The following TRPC3 variants were observed in gnomAD, a reference collection of about 807,000 sequenced individuals.
The protein encoded by TRPC3 is short transient receptor potential channel 3.
TRPC3 carries 54 observed loss-of-function variants against 90.9 expected under a neutral mutation model. The ratio of observed to expected loss-of-function variants is 0.59; its 90% CI spans 0.48 to 0.75. The LOEUF (loss-of-function observed/expected upper bound fraction) is 0.75. TRPC3 is among the 30% of genes least tolerant of loss of function. The pLI is 0.00. For missense variants in TRPC3, 918 were observed against 1,194.5 expected (o/e 0.77, Z 3.41); for synonymous variants, 424 against 450.9 (o/e 0.94, Z 0.75).
At chr4:121,884,685 A>C (rs990885368) in intron 10 of TRPC3, among the ~76,000 whole-genome samples, 1 of 152,222 alleles carries the variant, frequency 6.6e-6, no homozygotes, top group African/African-American at 2.4e-5. Flanking sequence ...CACGCTACTG[A>C]AAAGGAAAAG....
At chr4:121,918,305 G>A (rs901269315) in intron 3 of TRPC3, among the ~76,000 whole-genome samples, 11 of 152,062 alleles carry the variant, frequency 7.2e-5, no homozygotes, top group African/African-American at 2.2e-4. Flanking sequence ...TCCATCTCAG[G>A]CATTCTATTG....
intron 3 of TRPC3, among the ~76,000 whole-genome samples, chr4:121,919,164 T>A (rs1729419796): frequency 6.6e-6 from 1 of 152,184 alleles, no homozygotes; most frequent in Non-Finnish European, 1.5e-5. Context: ...GCCAAATAAC[T>A]AATAGATTAT....
In TRPC3 at chr4:121,912,046, T is replaced by C. The variant is rs374630719; in HGVS notation, c.1389A>G (p.Ala463=). 13 of 1,613,734 alleles carry C rather than the reference T, an allele frequency of 8.1e-6. No individual in the cohort carries two copies. Among genetic ancestry groups the C allele is most frequent in the African/African-American group, 2.7e-5 (2 of 74,886 alleles). The change falls in exon 5 of 12, where the codon GCA becomes GCG. Residue 463 remains alanine (A), a synonymous_variant. Coordinates refer to ENST00000379645, the MANE Select transcript of TRPC3 (RefSeq NM_001130698.2). ...RSPFMKFVAH[A]ASFIIFLGLL... ...GACCCAGGAAGATGATGAAAGAAGC[T>C]GCATGTGCTACAAACTTCATAAAAG...
chr4:121,914,836 C>T lies in TRPC3; in HGVS notation c.1285G>A (p.Val429Met), dbSNP rs150886370. The T allele has an allele frequency of 2.6e-4, 423 of 1,613,618 alleles. No individual in the cohort carries two copies. The highest frequency in any genetic ancestry group is 2.8e-4 in the Non-Finnish European group (330 of 1,179,660). Reference sequence around the variant, plus strand: ...GCCAGGAATGGAAGGCCCAGGGCCACGACCAGCACAACGAGACACTTGATA... The same window carrying T: ...GCCAGGAATGGAAGGCCCAGGGCCATGACCAGCACAACGAGACACTTGATA... Reference protein sequence around the residue: ...IAIKCLVVLVVALGLPFLAIG... With the variant: ...IAIKCLVVLVMALGLPFLAIG... Residue 429 changes from valine to methionine, a missense_variant, in exon 4 of 12, where the codon GTG (valine) becomes ATG (methionine). This residue lies in a region of TRPC3 where 609 missense variants were observed against 725.9 expected (regional missense o/e 0.84). Transcript: ENST00000379645.
chr4:121,892,166 T>C (rs1178666592), intron 10 of TRPC3, among the ~76,000 whole-genome samples: 1 of 152,210 alleles, frequency 6.6e-6, no homozygotes, highest in Non-Finnish European at 1.5e-5. Context: ...GATCAAAAGA[T>C]AAAACTTGAA....
Position 121,932,646 on chromosome 4 carries a change from C to A in TRPC3, c.612G>T (p.Lys204Asn). The stretch of plus-strand genomic sequence containing the variant: ...GCTCACAGGGGCTCAGAGTGAGACG[C>A]TTGCTGGCCGCGAAGCCAGGGTGGT... ...ILNHPGFAAS[K>N]RLTLSPCEQE... Residue 204 changes from lysine (K) to asparagine (N), a missense_variant, in exon 2 of 12, where the codon AAG becomes AAT. Coordinates refer to ENST00000379645, the MANE Select transcript of TRPC3 (RefSeq NM_001130698.2). The surrounding 1 kb of genome is among the most constrained non-coding windows in gnomAD (Gnocchi z 7.7). 1.2e-6 allele frequency: 2 copies of A among 1,612,554 alleles called. No individual in the cohort carries two copies. Among genetic ancestry groups the A allele is most frequent in the Non-Finnish European group, 1.7e-6 (2 of 1,178,834 alleles).
At chr4:121,883,145 T>C (rs1728000784) in intron 10 of TRPC3, among the ~76,000 whole-genome samples, 1 of 152,046 alleles carries the variant, frequency 6.6e-6, no homozygotes. Flanking sequence ...ATTAATTCCA[T>C]TTGCATCTTA....
chr4:121,897,830 T>C (rs1728571073), intron 10 of TRPC3, among the ~76,000 whole-genome samples: 1 of 152,156 alleles, frequency 6.6e-6, no homozygotes, highest in African/African-American at 2.4e-5. Context: ...GAAATCATTA[T>C]ATCAAAGAGA....
chr4:121,895,303 C>G (rs1323558072), intron 10 of TRPC3, among the ~76,000 whole-genome samples: 1 of 151,448 alleles, frequency 6.6e-6, no homozygotes, highest in Non-Finnish European at 1.5e-5. Context: ...AAAGCATGAA[C>G]AAATCAAACC....
intron 2 of TRPC3, among the ~76,000 whole-genome samples, chr4:121,929,732 G>A (rs1295342443): frequency 6.6e-6 from 1 of 152,024 alleles, no homozygotes; most frequent in African/African-American, 2.4e-5. Flanking sequence ...CAGAGTGGCT[G>A]AGAATCTTCT....
chr4:121,946,060 A>G (rs1730476035), intron 1 of TRPC3, among the ~76,000 whole-genome samples: 1 of 152,172 alleles, frequency 6.6e-6, no homozygotes, highest in Non-Finnish European at 1.5e-5. Flanking sequence ...TGGAAAACAG[A>G]AGAGAAGAGA....
At chr4:121,893,822 T>C (rs1043923471) in intron 10 of TRPC3, among the ~76,000 whole-genome samples, 6 of 152,052 alleles carry the variant, frequency 3.9e-5, no homozygotes, top group Admixed American at 2.6e-4. Context: ...CAAATATATA[T>C]GGAGACATAA....
At position 121,925,102 on chromosome 4, in the gene TRPC3, C is replaced by G; in HGVS notation, c.1092G>C (p.Leu364=). The G allele has an allele frequency of 6.2e-7, 1 of 1,614,056 alleles. No homozygotes were observed. The change falls in exon 3 of 12, where the codon CTG becomes CTC. Residue 364 remains leucine (L), a synonymous_variant. Coordinates refer to ENST00000379645, the MANE Select transcript of TRPC3 (RefSeq NM_001130698.2). ...EEVEAILNGD[L]ESAEPLEVHR... is the part of the protein sequence containing the mutation. ...GTACCTCCAGAGGCTCTGCTGATTCCAGATCTCCATTCAGAATGGCTTCTA... is the reference window on the plus strand; with the variant it reads ...GTACCTCCAGAGGCTCTGCTGATTCGAGATCTCCATTCAGAATGGCTTCTA...
At chr4:121,926,790 A>G (rs977249347) in intron 2 of TRPC3, among the ~76,000 whole-genome samples, 2 of 152,128 alleles carry the variant, frequency 1.3e-5, no homozygotes, top group African/African-American at 4.8e-5. Context: ...CCCTTGCCTT[A>G]CTGGAGACAT....
At chr4:121,918,954 T>C (rs1729411429) in intron 3 of TRPC3, among the ~76,000 whole-genome samples, 2 of 152,370 alleles carry the variant, frequency 1.3e-5, no homozygotes, top group South Asian at 2.1e-4. Context: ...AATCTCCTTA[T>C]GTCACTACAC....
Position 121,877,705 on chromosome 4 carries a change from A to T in TRPC3, c.*2031T>A, listed in dbSNP as rs1182417672. ...ATAAGGAAAAAGATGAAATATTAAA[A>T]CTATACCAGTTTGTACATAGTAAAT... On this transcript the variant is annotated 3_prime_UTR_variant, in exon 12 of 12. Coordinates refer to ENST00000379645, the MANE Select transcript of TRPC3 (RefSeq NM_001130698.2). Among the ~76,000 whole-genome samples, 1 of 151,804 alleles carries T rather than the reference A, an allele frequency of 6.6e-6. No homozygotes were observed. The highest frequency in any genetic ancestry group is 1.5e-5 in the Non-Finnish European group (1 of 67,974).
chr4:121,935,647 CT>C (rs1730106025), intron 1 of TRPC3, among the ~76,000 whole-genome samples: 1 of 151,830 alleles, frequency 6.6e-6, no homozygotes, highest in Non-Finnish European at 1.5e-5. Flanking sequence ...CTTCAAATGG[CT>C]AGAAATTCCA....
In TRPC3 at chr4:121,904,516, C is replaced by T; in HGVS notation, c.2059G>A (p.Val687Ile). Residue 687 changes from valine to isoleucine, a missense_variant and splice_region_variant, in exon 8 of 12, where the codon GTA becomes ATA. Around this residue, in one of 4 missense-constraint regions of TRPC3, gnomAD observed 147 missense variants for 263.5 expected, o/e 0.56. Coordinates refer to ENST00000379645, the MANE Select transcript of TRPC3 (RefSeq NM_001130698.2). ...GAKVNAAFTT[V>I]EESFKTLFWS... is the part of the protein sequence containing the mutation. ...AATAAAGTCTTGAAACTTTCTTCTA[C>T]ACTGTTGAAAAAATAAGATACAAAG... is the stretch of plus-strand genomic sequence containing the variant. 6.5e-7 allele frequency: 1 copy of T among 1,541,640 alleles called. No homozygotes were observed. Among genetic ancestry groups the T allele is most frequent in the South Asian group, 1.3e-5 (1 of 79,910 alleles).
At chr4:121,926,921 C>T (rs1475754064) in intron 2 of TRPC3, among the ~76,000 whole-genome samples, 1 of 152,204 alleles carries the variant, frequency 6.6e-6, no homozygotes, top group African/African-American at 2.4e-5. Flanking sequence ...AAGGGCCCAG[C>T]AATCTCTGTG....
Sources: gnomAD v4.1 joint callset for allele counts (sites outside exome capture counted in the v4.1 genomes callset) on GRCh38, gnomAD v4.1.1 for gene constraint, gnomAD v4.1.1 regional missense constraint, Gnocchi (gnomAD v3.1) non-coding constraint, MANE v1.5 for transcripts, NCBI Gene and HGNC (gene_info 2026-07-23, HGNC 2026-07-21) for gene names.